ADCY9: variants seen among roughly 807,000 people sequenced by gnomAD.
ADCY9 encodes the protein adenylate cyclase type 9.
ADCY9 carries 50 observed loss-of-function variants against 101.5 expected under a neutral mutation model. The observed-to-expected ratio is 0.49, with a 90% CI of 0.39 to 0.62. The LOEUF (loss-of-function observed/expected upper bound fraction) is 0.62, where lower values mean the gene tolerates loss of function less well. Ranked by LOEUF, ADCY9 falls within the 20% of genes least tolerant of loss-of-function variation. ADCY9 has a pLI of 0.00. For synonymous variants in ADCY9, 905 were observed against 769.3 expected (o/e 1.18, Z -2.92); for missense variants, 1,662 against 1,800.4 (o/e 0.92, Z 1.39).
At chr16:4,111,680 A>C (rs73492581) in intron 2 of ADCY9, among the ~76,000 whole-genome samples, 1 of 152,128 alleles carries the variant, frequency 6.6e-6, no homozygotes, top group African/African-American at 2.4e-5. Flanking sequence ...TAAAGGAAAG[A>C]ATATCACTTT....
At chr16:3,994,478 G>A (rs138957707) in intron 3 of ADCY9, among the ~76,000 whole-genome samples, 1,857 of 152,190 alleles carry the variant, frequency 0.012, 39 homozygotes, top group African/African-American at 0.041. Context: ...TTTTTGAGAT[G>A]GAGTTTCACT....
At chr16:4,062,159 T>C (rs1307413643) in intron 2 of ADCY9, among the ~76,000 whole-genome samples, 1 of 152,130 alleles carries the variant, frequency 6.6e-6, no homozygotes, top group African/African-American at 2.4e-5. Context: ...TCTCTACTTT[T>C]TAAAAGCTAT....
At chr16:4,039,234 T>G (rs1305965938) in intron 2 of ADCY9, among the ~76,000 whole-genome samples, 1 of 152,146 alleles carries the variant, frequency 6.6e-6, no homozygotes, top group African/African-American at 2.4e-5. Flanking sequence ...CTTTGCCGCT[T>G]CCCCACGTAC....
intron 2 of ADCY9, among the ~76,000 whole-genome samples, chr16:4,012,828 T>C (rs1469315969): frequency 6.6e-6 from 1 of 152,174 alleles, no homozygotes; most frequent in Non-Finnish European, 1.5e-5. Context: ...ACAAAGCCCA[T>C]TTTGGAAAAG....
intron 2 of ADCY9, among the ~76,000 whole-genome samples, chr16:4,112,078 C>A (rs906705639): frequency 3.3e-5 from 5 of 152,138 alleles, no homozygotes; most frequent in African/African-American, 1.2e-4. Context: ...GTACTGCCGC[C>A]CAGCTCCACC....
At chr16:4,018,285 C>T (rs1400144608) in intron 2 of ADCY9, among the ~76,000 whole-genome samples, 2 of 150,666 alleles carry the variant, frequency 1.3e-5, no homozygotes, top group Non-Finnish European at 2.9e-5. Flanking sequence ...ATGATCTCGG[C>T]TCACTGCAAC....
intron 2 of ADCY9, among the ~76,000 whole-genome samples, chr16:4,067,509 A>G (rs1336360225): frequency 1.3e-5 from 2 of 152,138 alleles, no homozygotes; most frequent in Non-Finnish European, 2.9e-5. Flanking sequence ...TTCTGCTTCA[A>G]ATTAGGAGAG....
In ADCY9 at chr16:3,979,136, C is replaced by T. The variant is rs770135718; in HGVS notation, c.2659G>A (p.Glu887Lys). ...ALAVYSHVTS[E>K]YETNIHFPVF... is the part of the protein sequence containing the mutation. The stretch of plus-strand genomic sequence containing the variant: ...CTTACGTGTATGTTGGTCTCATATT[C>T]GGAGGTGACATGGGAGTAGACGGCC... The change falls in exon 8 of 11, where the codon GAA becomes AAA. Residue 887 changes from glutamate (E) to lysine (K), a missense_variant. Glu to Lys is a moderately conservative substitution (Grantham distance 56, BLOSUM62 1). Around this residue, in one of 5 missense-constraint regions of ADCY9, gnomAD observed 624 missense variants for 639.1 expected, o/e 0.98. Coordinates refer to ENST00000294016, the MANE Select transcript of ADCY9 (RefSeq NM_001116.4). 1.2e-5 allele frequency: 19 copies of T among 1,614,154 alleles called. No homozygotes were observed. In the South Asian group the frequency reaches 1.2e-4, roughly 10 times the overall value.
intron 2 of ADCY9, among the ~76,000 whole-genome samples, chr16:4,021,459 T>A (rs532203218): frequency 7.4e-4 from 113 of 152,310 alleles, no homozygotes; most frequent in African/African-American, 2.6e-3. Context: ...CCCTACTGCC[T>A]CGGGAGGCCC....
intron 7 of ADCY9, among the ~76,000 whole-genome samples, chr16:3,979,674 G>C (rs865961706): frequency 3.9e-5 from 6 of 152,240 alleles, no homozygotes; most frequent in Non-Finnish European, 7.3e-5. Flanking sequence ...AGGCGTCCTG[G>C]AATTCTGTGG....
chr16:4,102,507 C>T (rs548047640), intron 2 of ADCY9, among the ~76,000 whole-genome samples: 2 of 152,302 alleles, frequency 1.3e-5, no homozygotes, highest in East Asian at 3.9e-4. Context: ...CTCACCGCAA[C>T]CTCCGCCTCC....
At chr16:4,022,490 C>CAAAAAAAAAAAAAAAAAAAA (rs58498676) in intron 2 of ADCY9, among the ~76,000 whole-genome samples, 1 of 65,048 alleles carries the variant, frequency 1.5e-5, no homozygotes, top group African/African-American at 6.9e-5. Context: ...GACTCCGTCT[C>CAAAAAAAAAAAAAAAAAAAA]AAAAAAAAAA....
At chr16:3,999,546 G>A (rs1234847476) in intron 3 of ADCY9, among the ~76,000 whole-genome samples, 1 of 152,192 alleles carries the variant, frequency 6.6e-6, no homozygotes, top group Non-Finnish European at 1.5e-5. Context: ...GACCTGAGCA[G>A]CTATGCCTGT....
At chr16:4,039,248 C>T (rs887150671) in intron 2 of ADCY9, among the ~76,000 whole-genome samples, 3 of 152,170 alleles carry the variant, frequency 2.0e-5, no homozygotes, top group South Asian at 2.1e-4. Flanking sequence ...CACGTACTTG[C>T]GGTGCTGTTT....
downstream of ADCY9, among the ~76,000 whole-genome samples, chr16:3,958,848 G>T (rs1416609047): frequency 6.6e-6 from 1 of 151,542 alleles, no homozygotes; most frequent in Admixed American, 6.6e-5. Context: ...TTTGATTTTT[G>T]TATTTTTAGT....
chr16:4,043,776 C>A (rs1415156742), intron 2 of ADCY9, among the ~76,000 whole-genome samples: 1 of 152,048 alleles, frequency 6.6e-6, no homozygotes, highest in Non-Finnish European at 1.5e-5. Context: ...ATCCAGAATT[C>A]ATTCCAAAGT....
At chr16:4,098,497 G>C (rs1029687598) in intron 2 of ADCY9, among the ~76,000 whole-genome samples, 56 of 152,248 alleles carry the variant, frequency 3.7e-4, no homozygotes, top group African/African-American at 1.3e-3. Context: ...GCCTTCCAAA[G>C]TGCTGGGATT....
chr16:4,069,446 G>C (rs1370592187), intron 2 of ADCY9, among the ~76,000 whole-genome samples: 2 of 151,630 alleles, frequency 1.3e-5, no homozygotes, highest in East Asian at 1.9e-4. Context: ...ATGAGCGAAG[G>C]CATCTCAGAC....
At chr16:3,974,646 G>GAAGTGCAAT (rs1567417249) in intron 10 of ADCY9, 23 bp downstream of exon 10, 1 of 1,601,046 alleles carries the variant, frequency 6.2e-7, no homozygotes, top group Non-Finnish European at 8.6e-7. Context: ...TATTCAGACA[G>GAAGTGCAAT]AAGTGCAATA....
Sources: gnomAD v4.1 joint callset for allele counts (sites outside exome capture counted in the v4.1 genomes callset) on GRCh38, gnomAD v4.1.1 for gene constraint, gnomAD v4.1.1 regional missense constraint, MANE v1.5 for transcripts, NCBI Gene and HGNC (gene_info 2026-07-23, HGNC 2026-07-21) for gene names.